The following CACNA2D3 variants were observed in gnomAD, a reference collection of about 807,000 sequenced individuals.
CACNA2D3 encodes voltage-dependent calcium channel subunit alpha-2/delta-3.
A neutral mutation model predicts 160.6 loss-of-function variants in CACNA2D3; 60 were observed. The ratio of observed to expected loss-of-function variants is 0.37; its 90% CI spans 0.30 to 0.46. The LOEUF is 0.46. CACNA2D3 is among the 20% of genes least tolerant of loss of function. The pLI, the probability that CACNA2D3 is intolerant of heterozygous loss-of-function variation, is 1.00. For missense variants in CACNA2D3, 1,205 were observed against 1,365.0 expected, an observed-to-expected ratio of 0.88 and a Z score of 1.85; for synonymous variants, 558 against 492.9, an observed-to-expected ratio of 1.13 and a Z score of -1.75.
chr3:54,470,188 T>C lies in CACNA2D3; in HGVS notation c.382-33304T>C, dbSNP rs149932374. Among the ~76,000 whole-genome samples, 906 of 152,242 alleles carry C rather than the reference T, an allele frequency of 6.0e-3. 6 individuals are homozygous for C. Among genetic ancestry groups the C allele is most frequent in the Non-Finnish European group, 9.9e-3 (674 of 68,006 alleles). On this transcript the variant is annotated intron_variant, in intron 4 of 37. Coordinates refer to ENST00000474759, the MANE Select transcript of CACNA2D3 (RefSeq NM_018398.3). ...GTTAAGGGCAGCCAGAGAGAAAGGT[T>C]GGGTTACCCACAAAAGGAAGCCCAT...
intron 11 of CACNA2D3, among the ~76,000 whole-genome samples, chr3:54,650,664 C>G (rs1421424946): frequency 6.6e-6 from 1 of 152,132 alleles, no homozygotes; most frequent in Non-Finnish European, 1.5e-5. Flanking sequence ...CGTGCCAGGC[C>G]TACTTTTTGT....
At chr3:54,656,188 A>G (rs1183919816) in intron 11 of CACNA2D3, among the ~76,000 whole-genome samples, 1 of 152,242 alleles carries the variant, frequency 6.6e-6, no homozygotes. Context: ...GAGAGGATAC[A>G]GACTTGGCAT....
intron 27 of CACNA2D3, among the ~76,000 whole-genome samples, chr3:54,944,141 G>A (rs1701549192): frequency 6.6e-6 from 1 of 152,140 alleles, no homozygotes; most frequent in Non-Finnish European, 1.5e-5. Flanking sequence ...GAACAGGATT[G>A]CCCAGCCTCC....
intron 13 of CACNA2D3, among the ~76,000 whole-genome samples, chr3:54,805,253 G>A (rs967375336): frequency 6.6e-6 from 1 of 152,158 alleles, no homozygotes; most frequent in Non-Finnish European, 1.5e-5. Flanking sequence ...AAAAATTAAT[G>A]AATCCAGGAG....
At chr3:54,680,293 A>G (rs932902792) in intron 11 of CACNA2D3, among the ~76,000 whole-genome samples, 1 of 152,264 alleles carries the variant, frequency 6.6e-6, no homozygotes, top group Non-Finnish European at 1.5e-5. Flanking sequence ...TCAGCTCAAC[A>G]ACACTTCCTT....
At chr3:54,612,087 T>A (rs937214309) in intron 9 of CACNA2D3, among the ~76,000 whole-genome samples, 2 of 152,180 alleles carry the variant, frequency 1.3e-5, no homozygotes, top group African/African-American at 4.8e-5. Flanking sequence ...CAGGGTTGGT[T>A]TCCTTCCCCT....
At chr3:54,778,619 C>T (rs1048525538) in intron 13 of CACNA2D3, among the ~76,000 whole-genome samples, 1 of 152,142 alleles carries the variant, frequency 6.6e-6, no homozygotes, top group African/African-American at 2.4e-5. Flanking sequence ...AACTTTTTGC[C>T]ACTGAACTTT....
rs566090123 is a variant in CACNA2D3 at position 54,659,327 on chromosome 3, C to T, written c.1167+17086C>T. 2.6e-5 allele frequency among the ~76,000 whole-genome samples: 4 copies of T among 152,298 alleles called. No homozygotes were observed. The South Asian group carries it at 8.3e-4, about 32-fold the overall frequency. On this transcript the variant is annotated intron_variant, in intron 11 of 37. Transcript: ENST00000474759. ...TTTGGCAGGAGGGTGTGAATGCCTG[C>T]TGAGCACTTTGCTGCATTTCCTATG...
intron 4 of CACNA2D3, among the ~76,000 whole-genome samples, chr3:54,440,442 T>C (rs1353717691): frequency 1.3e-5 from 2 of 152,094 alleles, no homozygotes; most frequent in Non-Finnish European, 2.9e-5. Flanking sequence ...ATTGCAGACT[T>C]TTCAAGGGTA....
intron 13 of CACNA2D3, among the ~76,000 whole-genome samples, chr3:54,811,465 C>CTTTTTTTTTTTTTTTTTTTTTTTTTTTTT (rs71096451): frequency 9.0e-6 from 1 of 111,562 alleles, no homozygotes; most frequent in Non-Finnish European, 1.8e-5. Context: ...TCCCTCAGTT[C>CTTTTTTTTTTTTTTTTTTTTTTTTTTTTT]TTTTTTTTTT....
At chr3:54,489,692 G>A (rs73841605) in intron 4 of CACNA2D3, among the ~76,000 whole-genome samples, 6,468 of 152,298 alleles carry the variant, frequency 0.042, 476 homozygotes, top group African/African-American at 0.15. Context: ...AGAGTGAAAT[G>A]CCCAGTGGCC....
chr3:54,891,982 G>A (rs949315976), intron 25 of CACNA2D3, among the ~76,000 whole-genome samples: 2 of 152,068 alleles, frequency 1.3e-5, no homozygotes, highest in African/African-American at 2.4e-5. Context: ...GTGTCTCCTT[G>A]GACTTCCAAA....
At chr3:54,882,847 G>A in intron 21 of CACNA2D3, among the ~76,000 whole-genome samples, 1 of 152,194 alleles carries the variant, frequency 6.6e-6, no homozygotes, top group East Asian at 1.9e-4. Context: ...ACTGCCTACA[G>A]AATGTGGGAA....
intron 14 of CACNA2D3, among the ~76,000 whole-genome samples, chr3:54,818,597 A>G (rs1276782886): frequency 1.3e-5 from 2 of 152,238 alleles, no homozygotes; most frequent in Non-Finnish European, 2.9e-5. Flanking sequence ...TTCTGTCATC[A>G]TATATTGACT....
At chr3:54,859,198 A>G (rs1441154415) in intron 17 of CACNA2D3, among the ~76,000 whole-genome samples, 1 of 152,232 alleles carries the variant, frequency 6.6e-6, no homozygotes, top group Non-Finnish European at 1.5e-5. Context: ...TGTCATTTTT[A>G]CATAATCCTA....
At chr3:54,201,269 A>G (rs1019168604) in intron 2 of CACNA2D3, among the ~76,000 whole-genome samples, 11 of 152,256 alleles carry the variant, frequency 7.2e-5, no homozygotes, top group Non-Finnish European at 1.2e-4. Flanking sequence ...GAAATTACAC[A>G]TTATAGTTAG....
intron 5 of CACNA2D3, among the ~76,000 whole-genome samples, chr3:54,544,879 C>A (rs1309853138): frequency 6.6e-6 from 1 of 152,074 alleles, no homozygotes; most frequent in Non-Finnish European, 1.5e-5. Context: ...AATTCATATA[C>A]AAAGTAAAAC....
In CACNA2D3 at chr3:54,642,198, C is replaced by T. The variant is rs754384287; in HGVS notation, c.1124C>T (p.Thr375Ile). ...CTCATAACTGATGGGGCGGTGGACA[C>T]CTATGATACAATCTTTGCAAAATAC... is the stretch of plus-strand genomic sequence containing the variant. Reference protein sequence around the residue: ...IMLITDGAVDTYDTIFAKYNW... With the variant: ...IMLITDGAVDIYDTIFAKYNW... The change falls in exon 11 of 38, where the codon ACC (threonine) becomes ATC (isoleucine). Residue 375 changes from threonine to isoleucine, a missense_variant. Transcript: ENST00000474759. 1 of 1,612,994 alleles carries T rather than the reference C, an allele frequency of 6.2e-7. No homozygotes were observed. The highest frequency in any genetic ancestry group is 1.1e-5 in the South Asian group (1 of 90,740).
chr3:55,004,640 G>A (rs928557855), intron 31 of CACNA2D3, 123 bp from the exon 32 acceptor site: 2 of 654,918 alleles, frequency 3.1e-6, no homozygotes, highest in Non-Finnish European at 5.5e-6. Flanking sequence ...TCCATGTTAG[G>A]GCTGCATGGT....
Sources: gnomAD v4.1 joint callset for allele counts (sites outside exome capture counted in the v4.1 genomes callset) on GRCh38, gnomAD v4.1.1 for gene constraint, MANE v1.5 for transcripts, NCBI Gene and HGNC (gene_info 2026-07-23, HGNC 2026-07-21) for gene names.